DOCK7: variants seen among roughly 807,000 people sequenced by gnomAD.
DOCK7 encodes the protein dedicator of cytokinesis 7, also known as dedicator of cytokinesis protein 7.
Under a neutral mutation model 271.0 loss-of-function variants are expected in DOCK7, and 138 were observed. The ratio of observed to expected loss-of-function variants is 0.51; its 90% CI spans 0.44 to 0.59. DOCK7 has a LOEUF of 0.59. DOCK7 is among the 20% of genes least tolerant of loss of function. The probability of loss-of-function intolerance (pLI) is 0.00; values close to 1 mark genes in which losing one functional copy is unlikely to be tolerated. For synonymous variants in DOCK7, 823 were observed against 876.1 expected (o/e 0.94, Z 1.07); for missense variants, 2,066 against 2,592.4 (o/e 0.80, Z 4.41).
intron 14 of DOCK7, chr1:62,598,594 A>G (rs923956921): frequency 1.4e-6 from 1 of 702,948 alleles, no homozygotes; most frequent in African/African-American, 1.8e-5. Flanking sequence ...CATTTTTCAA[A>G]TCCATTATTA....
chr1:62,585,009 C>T, intron 15 of DOCK7: 1 of 458,444 alleles, frequency 2.2e-6, no homozygotes, highest in Admixed American at 3.9e-5. Flanking sequence ...CATAGGCTGA[C>T]CAAGTATCTA....
At chr1:62,545,949 G>A (rs1374445217) in intron 22 of DOCK7, among the ~76,000 whole-genome samples, 1 of 152,050 alleles carries the variant, frequency 6.6e-6, no homozygotes, top group Non-Finnish European at 1.5e-5. Context: ...TTTGGACTGG[G>A]GACTTGAGAA....
chr1:62,623,348 T>C (rs1653521920), intron 12 of DOCK7, among the ~76,000 whole-genome samples: 1 of 152,220 alleles, frequency 6.6e-6, no homozygotes, highest in Non-Finnish European at 1.5e-5. Flanking sequence ...TTAAACAGTT[T>C]CTGTACTGTA....
intron 23 of DOCK7, among the ~76,000 whole-genome samples, chr1:62,543,984 T>G (rs1298446488): frequency 6.6e-6 from 1 of 152,176 alleles, no homozygotes; most frequent in East Asian, 1.9e-4. Flanking sequence ...TTTCAGTGAT[T>G]ATATAATATT....
At chr1:62,658,030 A>G (rs988588624) in intron 2 of DOCK7, among the ~76,000 whole-genome samples, 1 of 152,148 alleles carries the variant, frequency 6.6e-6, no homozygotes, top group Non-Finnish European at 1.5e-5. Flanking sequence ...GAAAACTTCT[A>G]AATTTCATAA....
chr1:62,661,875 TA>T (rs1658699816), intron 2 of DOCK7, among the ~76,000 whole-genome samples: 1 of 152,182 alleles, frequency 6.6e-6, no homozygotes, highest in African/African-American at 2.4e-5. Flanking sequence ...TGCAAAATAA[TA>T]TCACTGGAAG....
chr1:62,633,620 C>A, intron 9 of DOCK7, 42 bp from the exon 10 acceptor site: 1 of 1,438,176 alleles, frequency 7.0e-7, no homozygotes, highest in South Asian at 1.2e-5. Flanking sequence ...TTTTAAAAGC[C>A]TGAAATTCAA....
chr1:62,625,478 A>G (rs531649196), intron 11 of DOCK7, 77 bp from the exon 12 acceptor site: 1 of 1,407,418 alleles, frequency 7.1e-7, no homozygotes, highest in East Asian at 2.3e-5. Flanking sequence ...AAACACAAGG[A>G]AGAATCTACT....
intron 29 of DOCK7, among the ~76,000 whole-genome samples, chr1:62,530,200 C>T (rs1003614658): frequency 6.6e-6 from 1 of 152,194 alleles, no homozygotes; most frequent in Non-Finnish European, 1.5e-5. Flanking sequence ...CTTTTACTGT[C>T]AATCACAACA....
At chr1:62,457,796 TGTGG>T in intron 48 of DOCK7, 91 bp from the exon 49 acceptor site, 2 of 1,234,272 alleles carry the variant, frequency 1.6e-6, no homozygotes, top group East Asian at 4.7e-5. Context: ...TACATATATA[TGTGG>T]GCTTAATGAC....
At chr1:62,468,360 C>CAA (rs201784083) in intron 48 of DOCK7, among the ~76,000 whole-genome samples, 42,959 of 92,522 alleles carry the variant, frequency 0.46, 8,225 homozygotes, top group African/African-American at 0.54. Context: ...GACTCTGTCT[C>CAA]AAAAAAAAAA....
rs138899888 is a variant in DOCK7 at position 62,602,323 on chromosome 1, T to C, written c.1683-15699A>G. On this transcript the variant is annotated intron_variant, in intron 14 of 49. Transcript: ENST00000635253. ...ATTAATTCAACATCGAATAGATGGA[T>C]CACAAAACTTCAATGAAACGTGGGA... The C allele has an allele frequency of 1.5e-5, 24 of 1,610,918 alleles. No individual in the cohort carries two copies. In the African/African-American group the frequency reaches 3.1e-4, roughly 21 times the overall value.
chr1:62,608,177 C>T (rs532932278), intron 14 of DOCK7: 9 of 152,238 alleles, frequency 5.9e-5, no homozygotes, highest in African/African-American at 1.9e-4. Flanking sequence ...TGAACTTGCA[C>T]GTCCCATATA....
chr1:62,505,543 G>A, intron 36 of DOCK7, 139 bp downstream of exon 36: 3 of 952,926 alleles, frequency 3.1e-6, no homozygotes, highest in Non-Finnish European at 4.4e-6. Context: ...AAGGGTCTTA[G>A]GTTATTATTT....
chr1:62,517,047 A>G (rs1188860988), intron 31 of DOCK7, among the ~76,000 whole-genome samples: 1 of 152,066 alleles, frequency 6.6e-6, no homozygotes, highest in East Asian at 1.9e-4. Flanking sequence ...ACTCACTTTC[A>G]CTATTTTAAA....
chr1:62,467,106 A>T (rs891274448), intron 48 of DOCK7, among the ~76,000 whole-genome samples: 7 of 152,226 alleles, frequency 4.6e-5, no homozygotes, highest in Admixed American at 3.9e-4. Flanking sequence ...TAAGGAGAAC[A>T]TCACAAGTCT....
At chr1:62,516,163 A>G (rs1644656246) in intron 31 of DOCK7, among the ~76,000 whole-genome samples, 1 of 152,260 alleles carries the variant, frequency 6.6e-6, no homozygotes, top group Non-Finnish European at 1.5e-5. Flanking sequence ...TGGGGAAAGG[A>G]TAGTATATCT....
intron 38 of DOCK7, 158 bp from the exon 39 acceptor site, chr1:62,495,839 G>GT: frequency 1.9e-6 from 1 of 537,734 alleles, no homozygotes; most frequent in South Asian, 3.2e-5. Flanking sequence ...TGGGGATATG[G>GT]TAAGTGAAGG....
At chr1:62,480,683 G>A (rs955269804) in intron 43 of DOCK7, among the ~76,000 whole-genome samples, 2 of 152,198 alleles carry the variant, frequency 1.3e-5, no homozygotes, top group African/African-American at 4.8e-5. Context: ...CCCTTACTAT[G>A]TGTTAGCAAA....
Sources: allele counts gnomAD v4.1 joint callset (sites outside exome capture counted in the v4.1 genomes callset), GRCh38; gene constraint gnomAD v4.1.1; transcripts MANE v1.5; gene names NCBI Gene and HGNC (gene_info 2026-07-23, HGNC 2026-07-21).